TUFT1: variants seen among roughly 807,000 people sequenced by gnomAD.
TUFT1 encodes the protein tuftelin 1, also known as tuftelin.
In TUFT1, 43 loss-of-function variants were observed where a neutral mutation model predicts 57.8. That is an observed-to-expected ratio of 0.74 (90% CI 0.58 to 0.96). The LOEUF (loss-of-function observed/expected upper bound fraction) is 0.96, where lower values mean the gene tolerates loss of function less well. TUFT1 is among the 40% of genes least tolerant of loss of function. TUFT1 has a pLI of 0.00. For missense variants in TUFT1, 459 were observed against 489.0 expected (o/e 0.94, Z 0.58); for synonymous variants, 166 against 176.7 (o/e 0.94, Z 0.48).
At chr1:151,573,477 G>T (rs1040551754) in intron 7 of TUFT1, among the ~76,000 whole-genome samples, 9 of 152,172 alleles carry the variant, frequency 5.9e-5, no homozygotes, top group South Asian at 2.1e-4. Flanking sequence ...CTGATAAAAG[G>T]CTCACTCCTG....
In TUFT1 at chr1:151,548,049, G is replaced by T. The variant is rs186647964; in HGVS notation, c.60+7623G>T. ...GCTAATCTGGGGAGGAAGAAAGGGA[G>T]TGATTCTTTGTGTCATACTCCACAA... is the stretch of plus-strand genomic sequence containing the variant. On this transcript the variant is annotated intron_variant, in intron 1 of 12. Transcript: ENST00000368849. Among the ~76,000 whole-genome samples, 30 of 152,336 alleles carry T rather than the reference G, an allele frequency of 2.0e-4. 1 individual carries two copies. The South Asian group carries it at 5.8e-3, about 29-fold the overall frequency.
Position 151,582,014 on chromosome 1 carries a change from T to A in TUFT1, c.*307T>A, listed in dbSNP as rs1571725465. ...AGAGAGCCTCCCTTCTGTTGTAGACTGGACTCTGGCTGTGCCATAAGCCAG... is the reference window on the plus strand; with the variant it reads ...AGAGAGCCTCCCTTCTGTTGTAGACAGGACTCTGGCTGTGCCATAAGCCAG... On this transcript the variant is annotated 3_prime_UTR_variant, in exon 13 of 13. Coordinates refer to ENST00000368849, the MANE Select transcript of TUFT1 (RefSeq NM_020127.3). The A allele has an allele frequency of 1.7e-6, 1 of 575,846 alleles. No individual in the cohort carries two copies. Among genetic ancestry groups the A allele is most frequent in the East Asian group, 4.0e-5 (1 of 25,084 alleles). 35.7% of individuals were successfully genotyped at this position (575,846 alleles called of 1,614,324 possible).
In TUFT1 at chr1:151,554,695, C is replaced by CCTTTTTTTTTTTT. The variant is rs1553249393; in HGVS notation, c.61-7396_61-7395insCTTTTTTTTTTTT. Among the ~76,000 whole-genome samples the CCTTTTTTTTTTTT allele has an allele frequency of 3.5e-5, 3 of 85,652 alleles. 1 individual carries two copies. Among genetic ancestry groups the CCTTTTTTTTTTTT allele is most frequent in the Non-Finnish European group, 2.2e-5 (1 of 46,080 alleles). 56.2% of individuals were successfully genotyped at this position (85,652 alleles called of 152,430 possible). A position where few individuals can be genotyped will look rare whatever the true frequency, so the allele number is the denominator to read the frequency against. Reference sequence around the variant, plus strand: ...ACTGTGAACCACTGTGCCCGGCCCCCTTTTTTTTTTTTTTTTTTTTTTTTT... The same window carrying CCTTTTTTTTTTTT: ...ACTGTGAACCACTGTGCCCGGCCCCCCTTTTTTTTTTTTTTTTTTTTTTTTTTTTTTTTTTTTT... On this transcript the variant is annotated intron_variant, in intron 1 of 12. Transcript: ENST00000368849.
rs1449105424 is a variant in TUFT1, at chr1:151,574,353, G to T, written c.678G>T (p.Glu226Asp). ...AGGAGGACAGAGTGGAGCAGAAAGA[G>T]GCAGAAGTCGGAGAGCTGCAGAGGC... ...QREEDRVEQK[E>D]AEVGELQRRL... The change falls in exon 8 of 13, where the codon GAG becomes GAT. Residue 226 changes from glutamate (E) to aspartate (D), a missense_variant. Physicochemically the swap from Glu to Asp is conservative, Grantham distance 45. Transcript: ENST00000368849. 1.2e-6 allele frequency: 2 copies of T among 1,614,208 alleles called. No homozygotes were observed. The highest frequency in any genetic ancestry group is 4.5e-5 in the East Asian group (2 of 44,892).
Position 151,557,644 on chromosome 1 carries a change from C to T in TUFT1, c.61-4447C>T, listed in dbSNP as rs573464313. On this transcript the variant is annotated intron_variant, in intron 1 of 12. Coordinates refer to ENST00000368849, the MANE Select transcript of TUFT1 (RefSeq NM_020127.3). ...GGAACAGTTTGCCTGGAGACATTTC[C>T]ACTGGTACGTTACCAATGAGGGCAT... 7.0e-5 allele frequency: 71 copies of T among 1,021,208 alleles called. No individual in the cohort carries two copies. The East Asian group carries it at 9.5e-4, about 14-fold the overall frequency. 63.3% of individuals were successfully genotyped at this position (1,021,208 alleles called of 1,614,324 possible). A position where few individuals can be genotyped will look rare whatever the true frequency, so the allele number is the denominator to read the frequency against.
At chr1:151,568,138 A>G (rs1666140592) in intron 6 of TUFT1, among the ~76,000 whole-genome samples, 1 of 152,038 alleles carries the variant, frequency 6.6e-6, no homozygotes, top group African/African-American at 2.4e-5. Context: ...TTGGCCCTCA[A>G]GTATAGGTTG....
chr1:151,555,840 C>T (rs1259682333), intron 1 of TUFT1, among the ~76,000 whole-genome samples: 1 of 151,362 alleles, frequency 6.6e-6, no homozygotes, highest in Non-Finnish European at 1.5e-5. Flanking sequence ...TAATAGAATT[C>T]CCCCATATCC....
intron 1 of TUFT1, among the ~76,000 whole-genome samples, chr1:151,559,896 C>T (rs868138): frequency 0.35 from 52,307 of 151,518 alleles, 9,505 homozygotes; most frequent in Non-Finnish European, 0.42. Flanking sequence ...CTGGTTCAAG[C>T]GATTCTCCTG....
intron 1 of TUFT1, among the ~76,000 whole-genome samples, chr1:151,560,956 TTGTGTGTGTGTGTGTG>T (rs68056033): frequency 5.9e-4 from 78 of 132,536 alleles, no homozygotes; most frequent in African/African-American, 1.7e-3. Context: ...CTGCAAAGTA[TTGTGTGTGTGTGTGTG>T]TGTGTGTGTG....
chr1:151,548,993 T>C (rs1487270388), intron 1 of TUFT1, among the ~76,000 whole-genome samples: 4 of 152,218 alleles, frequency 2.6e-5, no homozygotes, highest in African/African-American at 9.6e-5. Flanking sequence ...ACCCCTCAGC[T>C]ATGTGTTTAC....
chr1:151,555,066 T>A (rs949205764), intron 1 of TUFT1, among the ~76,000 whole-genome samples: 15 of 141,388 alleles, frequency 1.1e-4, no homozygotes, highest in East Asian at 9.4e-4. Flanking sequence ...GGTGGCTCAC[T>A]CCTGTAATCC....
At chr1:151,544,048 T>A (rs1665253447) in intron 1 of TUFT1, among the ~76,000 whole-genome samples, 1 of 151,024 alleles carries the variant, frequency 6.6e-6, no homozygotes, top group African/African-American at 2.4e-5. Context: ...AGTGGTGTGA[T>A]CATAGCTCAC....
rs781081327 is a variant in TUFT1 at position 151,579,689 on chromosome 1, C to A, written c.965C>A (p.Thr322Asn). The change falls in exon 11 of 13, where the codon ACC (threonine) becomes AAC (asparagine). Residue 322 changes from threonine to asparagine, a missense_variant. Transcript: ENST00000368849. The stretch of plus-strand genomic sequence containing the variant: ...GCTGTGATCCAGTCAAAGGACGCCA[C>A]CATCCAGGAGCTCAAGGAGAAAATC... ...SKAVIQSKDA[T>N]IQELKEKIAY... The A allele has an allele frequency of 7.4e-6, 12 of 1,613,908 alleles. No homozygotes were observed. Among genetic ancestry groups the A allele is most frequent in the South Asian group, 3.3e-5 (3 of 91,036 alleles).
Position 151,582,201 on chromosome 1 carries a change from T to A in TUFT1, c.*494T>A. ...ACTGTTTGTTTTTCTACTTGCTCCA[T>A]CTGCAGCCTACGCTGCCCTGGCCTC... On this transcript the variant is annotated 3_prime_UTR_variant, in exon 13 of 13. Transcript: ENST00000368849. 1 of 456,558 alleles carries A rather than the reference T, an allele frequency of 2.2e-6. No individual in the cohort carries two copies. The highest frequency in any genetic ancestry group is 1.5e-5 in the South Asian group (1 of 64,566). 28.3% of individuals were successfully genotyped at this position (456,558 alleles called of 1,614,324 possible). A position where few individuals can be genotyped will look rare whatever the true frequency, so the allele number is the denominator to read the frequency against.
At chr1:151,555,647 G>GCAT (rs1186388853) in intron 1 of TUFT1, among the ~76,000 whole-genome samples, 40 of 151,374 alleles carry the variant, frequency 2.6e-4, no homozygotes, top group African/African-American at 9.5e-4. Flanking sequence ...CGTTGTGGTG[G>GCAT]GTGCCTATAG....
chr1:151,575,194 C>T (rs1330872979), intron 9 of TUFT1, among the ~76,000 whole-genome samples, 189 bp downstream of exon 9: 2 of 152,040 alleles, frequency 1.3e-5, no homozygotes, highest in Non-Finnish European at 2.9e-5. Flanking sequence ...TTTGGGAGGC[C>T]GCCATCTCCA....
At chr1:151,561,841 C>G (rs1181449165) in intron 1 of TUFT1, 7 of 1,468,558 alleles carry the variant, frequency 4.8e-6, no homozygotes, top group Non-Finnish European at 5.4e-6. Flanking sequence ...TGGAGCTCTA[C>G]AGAGCCATGT....
intron 7 of TUFT1, among the ~76,000 whole-genome samples, chr1:151,573,386 G>T (rs1666334876): frequency 6.6e-6 from 1 of 152,190 alleles, no homozygotes; most frequent in South Asian, 2.1e-4. Context: ...TTGGAAAGAT[G>T]CAAGTTGGAA....
chr1:151,545,307 T>C (rs1451082277), intron 1 of TUFT1, among the ~76,000 whole-genome samples: 1 of 150,710 alleles, frequency 6.6e-6, no homozygotes, highest in Non-Finnish European at 1.5e-5. Context: ...TGAAACTCCG[T>C]CTCAAACAAA....
Sources: gnomAD v4.1 joint callset for allele counts (sites outside exome capture counted in the v4.1 genomes callset) on GRCh38, gnomAD v4.1.1 for gene constraint, MANE v1.5 for transcripts, NCBI Gene and HGNC (gene_info 2026-07-23, HGNC 2026-07-21) for gene names.